RAB11FIP1: variants seen among roughly 807,000 people sequenced by gnomAD.
RAB11FIP1 encodes RAB11 family interacting protein 1.
A neutral mutation model predicts 83.1 loss-of-function variants in RAB11FIP1; 49 were observed. The observed-to-expected ratio is 0.59, with a 90% CI of 0.47 to 0.75. The LOEUF is 0.75. Ranked by LOEUF, RAB11FIP1 falls within the 30% of genes least tolerant of loss-of-function variation. The pLI, the probability that RAB11FIP1 is intolerant of heterozygous loss-of-function variation, is 0.00. For synonymous variants in RAB11FIP1, 670 were observed against 656.0 expected (o/e 1.02, Z -0.33); for missense variants, 1,536 against 1,598.7 (o/e 0.96, Z 0.67).
At chr8:37,886,838 T>C (rs1026466806) in intron 1 of RAB11FIP1, among the ~76,000 whole-genome samples, 1 of 152,174 alleles carries the variant, frequency 6.6e-6, no homozygotes, top group African/African-American at 2.4e-5. Context: ...GTTGAGAACA[T>C]CTTTTAAAAA....
rs541024943 is a variant in RAB11FIP1, at chr8:37,873,926, A to T, written c.1622+589T>A. 6.6e-5 allele frequency among the ~76,000 whole-genome samples: 10 copies of T among 152,090 alleles called. 1 individual carries two copies. The highest frequency in any genetic ancestry group is 3.4e-3 in the Middle Eastern group (1 of 292). ...GTAAGCAGAATCTCTAAAAAAAAAA[A>T]TCTCACTCCCCAGACCGCAGAAATA... On this transcript the variant is annotated intron_variant, in intron 3 of 5. Coordinates refer to ENST00000330843, the MANE Select transcript of RAB11FIP1 (RefSeq NM_001002814.3).
In RAB11FIP1 at chr8:37,861,674, C is replaced by T. The variant is rs563239856; in HGVS notation, c.*1221G>A. 2.5e-6 allele frequency: 1 copy of T among 406,662 alleles called. No individual in the cohort carries two copies. The highest frequency in any genetic ancestry group is 7.4e-5 in the East Asian group (1 of 13,486). The allele number at this position is 406,662 out of a possible 1,614,324, so 25.2% of individuals were successfully genotyped here. ...CACGATCTTGGCTCGCTGCAGCCTC[C>T]ATCTCCCAAGTTCAAGCAATTCTCC... On this transcript the variant is annotated 3_prime_UTR_variant, in exon 6 of 6. Coordinates refer to ENST00000330843, the MANE Select transcript of RAB11FIP1 (RefSeq NM_001002814.3).
intron 1 of RAB11FIP1, among the ~76,000 whole-genome samples, chr8:37,883,972 T>G (rs1462089859): frequency 6.6e-6 from 1 of 152,212 alleles, no homozygotes; most frequent in African/African-American, 2.4e-5. Context: ...AAACAAATTA[T>G]TATTGCTTAT....
At chr8:37,887,530 C>CAAAAAAA (rs572127005) in intron 1 of RAB11FIP1, among the ~76,000 whole-genome samples, 1 of 74,970 alleles carries the variant, frequency 1.3e-5, no homozygotes, top group Non-Finnish European at 2.8e-5. Flanking sequence ...GACGCCATCT[C>CAAAAAAA]AAAAAAAAAA....
At chr8:37,875,380 T>C (rs1585435492) in intron 2 of RAB11FIP1, 58 bp from the exon 3 acceptor site, 1 of 1,284,998 alleles carries the variant, frequency 7.8e-7, no homozygotes, top group East Asian at 2.3e-5. Flanking sequence ...GTTTGCAGTG[T>C]AGGGGCATCT....
intron 1 of RAB11FIP1, among the ~76,000 whole-genome samples, chr8:37,879,807 C>T (rs148624065): frequency 0.021 from 3,162 of 152,086 alleles, 126 homozygotes; most frequent in African/African-American, 0.073. Flanking sequence ...CGCTTGAACC[C>T]GGGAGAGGGA....
chr8:37,864,064 C>T (rs2130122905), intron 5 of RAB11FIP1, among the ~76,000 whole-genome samples: 1 of 152,340 alleles, frequency 6.6e-6, no homozygotes, highest in Non-Finnish European at 1.5e-5. Flanking sequence ...ACCCAGGGAC[C>T]CCACTTCACA....
intron 1 of RAB11FIP1, among the ~76,000 whole-genome samples, chr8:37,887,920 A>G (rs1806866169): frequency 1.3e-5 from 2 of 152,212 alleles, no homozygotes; most frequent in East Asian, 3.8e-4. Flanking sequence ...GGTATATGCC[A>G]TAGTTTATCT....
intron 1 of RAB11FIP1, among the ~76,000 whole-genome samples, chr8:37,879,516 C>T (rs4976895): frequency 0.72 from 109,643 of 152,122 alleles, 40,651 homozygotes; most frequent in East Asian, 0.89. Flanking sequence ...GAAAAAGTTC[C>T]GGAGATGGAT....
At chr8:37,888,386 C>T (rs891267947) in intron 1 of RAB11FIP1, among the ~76,000 whole-genome samples, 3 of 152,004 alleles carry the variant, frequency 2.0e-5, no homozygotes, top group African/African-American at 4.8e-5. Flanking sequence ...GGATTACAGG[C>T]GTGAGACACC....
intron 2 of RAB11FIP1, 25 bp downstream of exon 2, chr8:37,877,084 C>A: frequency 6.4e-7 from 1 of 1,552,660 alleles, no homozygotes; most frequent in South Asian, 1.1e-5. Flanking sequence ...GAAGAGAGGT[C>A]AAGCAGGAAG....
chr8:37,896,857 G>C (rs1044975896), intron 1 of RAB11FIP1, among the ~76,000 whole-genome samples: 1 of 152,190 alleles, frequency 6.6e-6, no homozygotes, highest in Non-Finnish European at 1.5e-5. Flanking sequence ...GCTGCTGTGG[G>C]CACTGGACCC....
intron 5 of RAB11FIP1, among the ~76,000 whole-genome samples, chr8:37,866,513 T>C (rs1433843554): frequency 6.6e-6 from 1 of 152,116 alleles, no homozygotes; most frequent in Non-Finnish European, 1.5e-5. Flanking sequence ...GATAATGACA[T>C]ACACTCAAAT....
intron 1 of RAB11FIP1, among the ~76,000 whole-genome samples, chr8:37,889,746 T>A (rs1806909257): frequency 1.3e-5 from 2 of 152,088 alleles, no homozygotes; most frequent in Non-Finnish European, 2.9e-5. Context: ...ATTTATTCCA[T>A]AAGCAAGGTA....
In RAB11FIP1 at chr8:37,899,395, G is replaced by A. The variant is rs1484206367; in HGVS notation, c.47C>T (p.Ser16Phe). 6 of 1,597,796 alleles carry A rather than the reference G, an allele frequency of 3.8e-6. No homozygotes were observed. Among genetic ancestry groups the A allele is most frequent in the Non-Finnish European group, 4.3e-6 (5 of 1,173,408 alleles). The change falls in exon 1 of 6, where the codon TCC (serine) becomes TTC (phenylalanine). Residue 16 changes from serine (S) to phenylalanine (F), a missense_variant. Ser to Phe is a radical substitution (Grantham distance 155). Transcript: ENST00000330843. The surrounding 1 kb of genome is among the most constrained non-coding windows in gnomAD (Gnocchi z 4.5). ...CACCGTCACCTGCACGTGGGTTGGGGACCACACGGCCCCCAGGCCCCGGCC... is the reference window on the plus strand; with the variant it reads ...CACCGTCACCTGCACGTGGGTTGGGAACCACACGGCCCCCAGGCCCCGGCC... ...SAGRGLGAVWSPTHVQVTVLQ... is the reference protein window; with the variant it reads ...SAGRGLGAVWFPTHVQVTVLQ...
chr8:37,894,626 G>A (rs1205625775), intron 1 of RAB11FIP1, among the ~76,000 whole-genome samples: 1 of 150,992 alleles, frequency 6.6e-6, no homozygotes, highest in Admixed American at 6.6e-5. Context: ...CTATACTTAA[G>A]AAATTACTTC....
Position 37,871,293 on chromosome 8 carries a change from C to T in RAB11FIP1, c.3509G>A (p.Gly1170Glu), listed in dbSNP as rs1300420640. The T allele has an allele frequency of 2.5e-6, 4 of 1,610,016 alleles. No individual in the cohort carries two copies. The highest frequency in any genetic ancestry group is 1.7e-5 in the Admixed American group (1 of 59,330). Residue 1170 changes from glycine (G) to glutamate (E), a missense_variant, in exon 4 of 6, where the codon GGG (glycine) becomes GAG (glutamate). By Grantham distance (98) the Gly-to-Glu change is moderately conservative. Coordinates refer to ENST00000330843, the MANE Select transcript of RAB11FIP1 (RefSeq NM_001002814.3). ...CATCTCTCACCTGTGCTTGGCTGAC[C>T]CAGTTCCAGCGCCTGGCTGAGCTGA... ...PVSAQPGAGT[G>E]SAKHRLHPVK...
chr8:37,864,805 G>A (rs915780196), intron 5 of RAB11FIP1, among the ~76,000 whole-genome samples: 3 of 152,120 alleles, frequency 2.0e-5, no homozygotes, highest in African/African-American at 4.8e-5. Context: ...ATGCATTCAC[G>A]ATGCACCTCC....
At chr8:37,894,242 A>C (rs1266944523) in intron 1 of RAB11FIP1, among the ~76,000 whole-genome samples, 1 of 152,182 alleles carries the variant, frequency 6.6e-6, no homozygotes, top group African/African-American at 2.4e-5. Flanking sequence ...AAAAACAAAC[A>C]CCCATTGCTT....
Sources: allele counts gnomAD v4.1 joint callset (sites outside exome capture counted in the v4.1 genomes callset), GRCh38; gene constraint gnomAD v4.1.1; non-coding constraint Gnocchi (gnomAD v3.1); transcripts MANE v1.5; gene names NCBI Gene and HGNC (gene_info 2026-07-23, HGNC 2026-07-21).